The following ZSWIM6 variants were observed in gnomAD, a reference collection of about 807,000 sequenced individuals.
ZSWIM6 encodes the protein zinc finger SWIM domain-containing protein 6.
In ZSWIM6, 9 loss-of-function variants were observed where a neutral mutation model predicts 113.2. That is an observed-to-expected ratio of 0.08 (90% confidence interval 0.05 to 0.14). ZSWIM6 has a LOEUF of 0.14. Among genes scored for constraint, ZSWIM6 ranks in the 10% least tolerant of loss-of-function variants. The pLI, the probability that ZSWIM6 is intolerant of heterozygous loss-of-function variation, is 1.00. For synonymous variants in ZSWIM6, 611 were observed against 606.5 expected (o/e 1.01, Z -0.11); for missense variants, 1,162 against 1,552.2 (o/e 0.75, Z 4.22).
chr5:61,388,175 G>T (rs1473171969), intron 1 of ZSWIM6, among the ~76,000 whole-genome samples: 2 of 151,764 alleles, frequency 1.3e-5, no homozygotes. Context: ...TAAAGATGGG[G>T]TTTCATCATG....
At chr5:61,526,659 C>G (rs549143864) in intron 7 of ZSWIM6, among the ~76,000 whole-genome samples, 24 of 151,958 alleles carry the variant, frequency 1.6e-4, no homozygotes, top group African/African-American at 4.6e-4. Context: ...GTTTTAATGA[C>G]TATTTAGTAT....
chr5:61,525,814 C>A lies in ZSWIM6; in HGVS notation c.1528C>A (p.Pro510Thr), dbSNP rs866333941. Reference sequence around the variant, plus strand: ...GGAAAAAACAGATTCATCGAACAGGCCACATCGGACAGTGTTCACCCGAGC... The same window carrying A: ...GGAAAAAACAGATTCATCGAACAGGACACATCGGACAGTGTTCACCCGAGC... ...ANANQDSSNR[P>T]HRTVFTRAIE... The change falls in exon 6 of 14, where the codon CCA (proline) becomes ACA (threonine). Residue 510 changes from proline to threonine, a missense_variant. Coordinates refer to ENST00000252744, the MANE Select transcript of ZSWIM6 (RefSeq NM_020928.2). The A allele has an allele frequency of 5.2e-6, 8 of 1,551,564 alleles. No individual in the cohort carries two copies. The African/African-American group carries it at 1.1e-4, about 21-fold the overall frequency.
At chr5:61,364,526 T>C (rs2112057964) in intron 1 of ZSWIM6, among the ~76,000 whole-genome samples, 1 of 152,362 alleles carries the variant, frequency 6.6e-6, no homozygotes, top group South Asian at 2.1e-4. Context: ...AGCCTTATTG[T>C]AACACATCTA....
At chr5:61,339,148 G>A (rs930361024) in intron 1 of ZSWIM6, among the ~76,000 whole-genome samples, 2 of 152,158 alleles carry the variant, frequency 1.3e-5, no homozygotes, top group African/African-American at 4.8e-5. Context: ...TCAGTAATAG[G>A]CAGTGTAGGA....
At chr5:61,440,533 T>C (rs1392240046) in intron 1 of ZSWIM6, among the ~76,000 whole-genome samples, 2 of 152,180 alleles carry the variant, frequency 1.3e-5, no homozygotes, top group Non-Finnish European at 2.9e-5. Flanking sequence ...TAGCAGAGCA[T>C]TAAAGATACC....
intron 1 of ZSWIM6, among the ~76,000 whole-genome samples, chr5:61,401,799 A>G (rs766446838): frequency 7.2e-5 from 11 of 152,222 alleles, no homozygotes; most frequent in Non-Finnish European, 1.0e-4. Flanking sequence ...AATTTGATAT[A>G]CTACAAAAGA....
At chr5:61,354,732 C>A (rs997814315) in intron 1 of ZSWIM6, among the ~76,000 whole-genome samples, 3 of 152,148 alleles carry the variant, frequency 2.0e-5, no homozygotes, top group African/African-American at 7.2e-5. Context: ...TCACTTGATT[C>A]TAGAGTAAAC....
intron 13 of ZSWIM6, among the ~76,000 whole-genome samples, chr5:61,542,671 G>T (rs1749773502): frequency 6.6e-6 from 1 of 152,042 alleles, no homozygotes; most frequent in South Asian, 2.1e-4. Flanking sequence ...ACGTATAATG[G>T]TTTTTTTATT....
At chr5:61,504,366 TG>T (rs1471517358) in intron 4 of ZSWIM6, among the ~76,000 whole-genome samples, 2 of 152,152 alleles carry the variant, frequency 1.3e-5, no homozygotes, top group African/African-American at 4.8e-5. Context: ...GGGAAATGCA[TG>T]GGGAGTGATT....
intron 2 of ZSWIM6, among the ~76,000 whole-genome samples, chr5:61,487,044 T>A (rs890080472): frequency 1.3e-5 from 2 of 151,962 alleles, no homozygotes; most frequent in African/African-American, 4.8e-5. Flanking sequence ...CTTCTAGTAT[T>A]TTTATAGTTA....
At chr5:61,490,720 A>T in intron 2 of ZSWIM6, 66 bp from the exon 3 acceptor site, 2 of 1,465,014 alleles carry the variant, frequency 1.4e-6, no homozygotes, top group Non-Finnish European at 1.8e-6. Flanking sequence ...AAAGAGTCTT[A>T]ATTAATCCTT....
At chr5:61,407,680 A>G (rs1746071121) in intron 1 of ZSWIM6, among the ~76,000 whole-genome samples, 1 of 152,242 alleles carries the variant, frequency 6.6e-6, no homozygotes, top group Non-Finnish European at 1.5e-5. Context: ...AAAGGTGATG[A>G]TTTAACAGTT....
intron 1 of ZSWIM6, among the ~76,000 whole-genome samples, chr5:61,360,893 G>A (rs1401797558): frequency 6.6e-6 from 1 of 152,066 alleles, no homozygotes; most frequent in East Asian, 1.9e-4. Context: ...AGGCACCTTG[G>A]TTTTCTTCTT....
At position 61,497,725 on chromosome 5, in the gene ZSWIM6, A is replaced by G. The variant is rs545645111; in HGVS notation, c.1333+3315A>G. Among the ~76,000 whole-genome samples the G allele has an allele frequency of 2.6e-5, 4 of 152,322 alleles. No homozygotes were observed. In the South Asian group the frequency reaches 6.2e-4, roughly 24 times the overall value. On this transcript the variant is annotated intron_variant, in intron 4 of 13. Coordinates refer to ENST00000252744, the MANE Select transcript of ZSWIM6 (RefSeq NM_020928.2). ...GTGTTCTCAAGATGAGTAATGTTGT[A>G]TCATAATCAGCTATAAGAAAAGGTA...
rs1452410853 is a variant in ZSWIM6, at chr5:61,543,057, C to T, written c.2786-398C>T. ...ACTTTTGTATTATGTGTACTTTTAC[C>T]TTACACACAAGCACATAAGCCATGT... On this transcript the variant is annotated intron_variant, in intron 13 of 13. Transcript: ENST00000252744. This position sits in a 1 kb window ranked among gnomAD's most constrained non-coding sequence, Gnocchi z 4.3. Among the ~76,000 whole-genome samples the T allele has an allele frequency of 6.6e-6, 1 of 152,096 alleles. No homozygotes were observed. The highest frequency in any genetic ancestry group is 2.4e-5 in the African/African-American group (1 of 41,408).
rs1263437349 is a variant in ZSWIM6 at position 61,473,049 on chromosome 5, C to T, written c.1033+12C>T. 2 of 1,408,008 alleles carry T rather than the reference C, an allele frequency of 1.4e-6. No individual in the cohort carries two copies. The highest frequency in any genetic ancestry group is 5.5e-5 in the Admixed American group (2 of 36,662). The allele number at this position is 1,408,008 out of a possible 1,614,324, so 87.2% of individuals were successfully genotyped here. A position where few individuals can be genotyped will look rare whatever the true frequency, so the allele number is the denominator to read the frequency against. ...CAACCAAGTTCATGGTGAGTATAGA[C>T]ATTGACTCTTTAAATTTCCTCTCTG... On this transcript the variant is annotated intron_variant, in intron 2 of 13. Coordinates refer to ENST00000252744, the MANE Select transcript of ZSWIM6 (RefSeq NM_020928.2).
chr5:61,487,784 C>G (rs1748060297), intron 2 of ZSWIM6, among the ~76,000 whole-genome samples: 1 of 151,978 alleles, frequency 6.6e-6, no homozygotes, highest in South Asian at 2.1e-4. Flanking sequence ...TTGATGGAGT[C>G]TTCAGGTTTT....
At chr5:61,413,199 A>C (rs1416092774) in intron 1 of ZSWIM6, among the ~76,000 whole-genome samples, 2 of 112,744 alleles carry the variant, frequency 1.8e-5, no homozygotes, top group African/African-American at 3.5e-5. Context: ...CAGTCCCCAG[A>C]GTGTGATGTT....
intron 4 of ZSWIM6, 85 bp downstream of exon 4, chr5:61,494,495 T>C (rs1748268959): frequency 1.4e-5 from 21 of 1,500,028 alleles, no homozygotes; most frequent in Middle Eastern, 2.2e-4. Flanking sequence ...GGTCGTAGTA[T>C]TGCTGAAGAG....
Sources: gnomAD v4.1 joint callset for allele counts (sites outside exome capture counted in the v4.1 genomes callset) on GRCh38, gnomAD v4.1.1 for gene constraint, Gnocchi (gnomAD v3.1) non-coding constraint, MANE v1.5 for transcripts, NCBI Gene and HGNC (gene_info 2026-07-23, HGNC 2026-07-21) for gene names.